Variants in CIT observed in about 807,000 individuals in gnomAD.
CIT encodes the protein citron rho-interacting serine/threonine kinase.
CIT carries 79 observed loss-of-function variants against 272.7 expected under a neutral mutation model. The observed-to-expected ratio is 0.29, with a 90% confidence interval of 0.24 to 0.35. CIT has a LOEUF of 0.35. Ranked by LOEUF, CIT falls within the 10% of genes least tolerant of loss-of-function variation. The probability of loss-of-function intolerance (pLI) is 1.00; values close to 1 mark genes in which losing one functional copy is unlikely to be tolerated. For synonymous variants in CIT, 948 were observed against 995.6 expected (o/e 0.95, Z 0.90); for missense variants, 1,909 against 2,618.3 (o/e 0.73, Z 5.91).
chr12:119,873,121 A>C (rs1023032136), intron 2 of CIT, among the ~76,000 whole-genome samples: 3 of 151,760 alleles, frequency 2.0e-5, no homozygotes, highest in African/African-American at 7.3e-5. Flanking sequence ...TTAAAGTTTA[A>C]ATTAAAAATA....
intron 3 of CIT, among the ~76,000 whole-genome samples, chr12:119,860,904 T>G (rs1950316068): frequency 6.6e-6 from 1 of 151,704 alleles, no homozygotes. Context: ...GCGGATCACC[T>G]GAGGTCAGGA....
chr12:119,699,715 T>C (rs1320530738), intron 44 of CIT: 1 of 437,258 alleles, frequency 2.3e-6, no homozygotes. Context: ...TTTCTAGTTG[T>C]CCCAGTGGCC....
At chr12:119,745,010 A>G (rs1478887292) in intron 23 of CIT, among the ~76,000 whole-genome samples, 2 of 152,054 alleles carry the variant, frequency 1.3e-5, no homozygotes, top group Non-Finnish European at 2.9e-5. Flanking sequence ...ATGCAATTAG[A>G]GACCCAGAAG....
At chr12:119,708,924 G>A (rs1357795982) in intron 39 of CIT, among the ~76,000 whole-genome samples, 1 of 152,222 alleles carries the variant, frequency 6.6e-6, no homozygotes, top group African/African-American at 2.4e-5. Flanking sequence ...AGTAAAGAAC[G>A]AATGTGTGAG....
At chr12:119,714,967 C>T (rs905120349) in intron 32 of CIT, among the ~76,000 whole-genome samples, 2 of 152,240 alleles carry the variant, frequency 1.3e-5, no homozygotes, top group African/African-American at 4.8e-5. Context: ...GCTGTGTCCC[C>T]ACCCAAATCT....
chr12:119,790,987 A>T (rs1965259734), intron 10 of CIT, among the ~76,000 whole-genome samples: 1 of 152,168 alleles, frequency 6.6e-6, no homozygotes, highest in Admixed American at 6.5e-5. Flanking sequence ...TTAGTGCTTC[A>T]TGGGTTACTT....
intron 1 of CIT, among the ~76,000 whole-genome samples, 194 bp downstream of exon 1, chr12:119,877,055 T>C (rs1220619542): frequency 2.0e-5 from 3 of 152,054 alleles, no homozygotes; most frequent in African/African-American, 4.8e-5. Flanking sequence ...GGCTGACCCC[T>C]CGGCTCCCAA....
chr12:119,736,323 T>C (rs1958752570), intron 24 of CIT, among the ~76,000 whole-genome samples: 1 of 151,030 alleles, frequency 6.6e-6, no homozygotes, highest in South Asian at 2.2e-4. Context: ...GTCGATTTCG[T>C]TTATGAAATG....
In CIT at chr12:119,772,810, T is replaced by C; in HGVS notation, c.2042A>G (p.Asp681Gly). ...RELEKLQNRE[D>G]SSEGIRKKLV... ...CTTCTTTCTGATGCCTTCAGAAGAA[T>C]CCTCTCGGTTCTGCAGCTTCTCCAG... The change falls in exon 17 of 48, where the codon GAT (aspartate) becomes GGT (glycine). Residue 681 changes from aspartate to glycine, a missense_variant. By Grantham distance (94) the Asp-to-Gly change is moderately conservative. Coordinates refer to ENST00000392521, the MANE Select transcript of CIT (RefSeq NM_001206999.2). The C allele has an allele frequency of 6.2e-7, 1 of 1,613,988 alleles. No homozygotes were observed. Among genetic ancestry groups the C allele is most frequent in the Non-Finnish European group, 8.5e-7 (1 of 1,179,988 alleles).
rs777406354 is a variant in CIT at position 119,728,560 on chromosome 12, C to T, written c.3533G>A (p.Arg1178Gln). ...KKHAMLEMNA[R>Q]SLQQKLETER... ...AGTCTCCAGCTTCTGCTGTAAGCTTCGGGCATTCATTTCAAGCATAGCATG... is the reference window on the plus strand; with the variant it reads ...AGTCTCCAGCTTCTGCTGTAAGCTTTGGGCATTCATTTCAAGCATAGCATG... The change falls in exon 28 of 48, where the codon CGA becomes CAA. Residue 1178 changes from arginine (R) to glutamine (Q), a missense_variant. This residue lies in a region of CIT where 530 missense variants were observed against 822.4 expected (regional missense o/e 0.64). Transcript: ENST00000392521. The surrounding 1 kb of genome is among the most constrained non-coding windows in gnomAD (Gnocchi z 4.3). The T allele has an allele frequency of 1.7e-5, 28 of 1,613,942 alleles. No individual in the cohort carries two copies. The highest frequency in any genetic ancestry group is 6.7e-5 in the East Asian group (3 of 44,888).
At chr12:119,739,397 G>A (rs930278197) in intron 24 of CIT, among the ~76,000 whole-genome samples, 2 of 151,896 alleles carry the variant, frequency 1.3e-5, no homozygotes, top group Non-Finnish European at 2.9e-5. Context: ...AGTTATTATG[G>A]GAGTTGTGGG....
At chr12:119,839,896 A>C (rs915767264) in intron 5 of CIT, among the ~76,000 whole-genome samples, 1 of 152,220 alleles carries the variant, frequency 6.6e-6, no homozygotes, top group Admixed American at 6.5e-5. Context: ...GGATGTGTAC[A>C]CTATTACTGA....
chr12:119,690,145 C>A lies in CIT; in HGVS notation c.6186+6G>T. 1.4e-6 allele frequency: 2 copies of A among 1,463,662 alleles called. No homozygotes were observed. The highest frequency in any genetic ancestry group is 1.8e-6 in the Non-Finnish European group (2 of 1,115,320). 90.7% of individuals were successfully genotyped at this position (1,463,662 alleles called of 1,614,324 possible). ...CAGACACACAGGCCTCGGAATGCTG[C>A]CTCACCTTGTTCACCTGGGACAGCG... On this transcript the variant is annotated splice_donor_region_variant and intron_variant, in intron 47 of 47. Transcript: ENST00000392521. This position sits in a 1 kb window ranked among gnomAD's most constrained non-coding sequence, Gnocchi z 6.0.
chr12:119,753,116 GACAA>G (rs139844860), intron 22 of CIT, among the ~76,000 whole-genome samples: 2,396 of 152,240 alleles, frequency 0.016, 74 homozygotes, highest in African/African-American at 0.055. Flanking sequence ...CTATTGACCT[GACAA>G]ACATGGACAG....
chr12:119,811,341 G>T (rs1456789276), intron 9 of CIT, among the ~76,000 whole-genome samples: 1 of 152,096 alleles, frequency 6.6e-6, no homozygotes, highest in Non-Finnish European at 1.5e-5. Context: ...GAAGACAAAG[G>T]AGTTCCAGTT....
chr12:119,762,676 A>C (rs1961952952), intron 19 of CIT, among the ~76,000 whole-genome samples: 2 of 152,210 alleles, frequency 1.3e-5, no homozygotes. Flanking sequence ...ATAAGACCTC[A>C]ACTTTGGTCA....
chr12:119,761,547 C>G (rs1961795438), intron 19 of CIT, among the ~76,000 whole-genome samples: 1 of 152,122 alleles, frequency 6.6e-6, no homozygotes, highest in South Asian at 2.1e-4. Flanking sequence ...GGGAGAGAAG[C>G]CGAAGACAGG....
At chr12:119,736,428 C>T (rs944053488) in intron 24 of CIT, among the ~76,000 whole-genome samples, 4 of 151,944 alleles carry the variant, frequency 2.6e-5, no homozygotes, top group African/African-American at 4.8e-5. Flanking sequence ...TAAAGAACAT[C>T]AATTAAGTAC....
At chr12:119,708,120 A>G in intron 40 of CIT, 59 bp downstream of exon 40, 2 of 1,432,666 alleles carry the variant, frequency 1.4e-6, no homozygotes, top group Non-Finnish European at 1.8e-6. Context: ...CTCTGTGGGA[A>G]GAGAGGTAGT....
Sources: gnomAD v4.1 joint callset for allele counts (sites outside exome capture counted in the v4.1 genomes callset) on GRCh38, gnomAD v4.1.1 for gene constraint, gnomAD v4.1.1 regional missense constraint, Gnocchi (gnomAD v3.1) non-coding constraint, MANE v1.5 for transcripts, NCBI Gene and HGNC (gene_info 2026-07-23, HGNC 2026-07-21) for gene names.